The following KXD1 variants were observed in gnomAD, a reference collection of about 807,000 sequenced individuals.
KXD1 encodes kxDL motif-containing protein 1.
KXD1 carries 5 observed loss-of-function variants against 12.1 expected under a neutral mutation model. That is an observed-to-expected ratio of 0.41 (90% confidence interval 0.22 to 0.87). The LOEUF is 0.87. Among genes scored for constraint, KXD1 ranks in the 40% least tolerant of loss-of-function variants. The probability of loss-of-function intolerance (pLI) is 0.31; values close to 1 mark genes in which losing one functional copy is unlikely to be tolerated. For synonymous variants in KXD1, 98 were observed against 100.5 expected, an observed-to-expected ratio of 0.98 and a Z score of 0.15; for missense variants, 193 against 244.9, an observed-to-expected ratio of 0.79 and a Z score of 1.41.
chr19:18,565,464 C>T (rs1393914301), intron 3 of KXD1, among the ~76,000 whole-genome samples: 12 of 152,092 alleles, frequency 7.9e-5, no homozygotes, highest in African/African-American at 7.2e-5. Flanking sequence ...GATCTCCTGA[C>T]CTCGTGATCC....
intron 4 of KXD1, 29 bp from the exon 5 acceptor site, chr19:18,568,373 A>C (rs764074939): frequency 2.5e-6 from 4 of 1,578,060 alleles, no homozygotes; most frequent in Non-Finnish European, 3.5e-6. Context: ...CAAGGTGACA[A>C]AACCAACTCT....
intron 4 of KXD1, 135 bp downstream of exon 4, chr19:18,567,313 G>T (rs755059842): frequency 1.1e-4 from 96 of 886,028 alleles, no homozygotes; most frequent in Middle Eastern, 4.4e-4. Flanking sequence ...AACCTGGGGT[G>T]GGGGCAGGGT....
chr19:18,561,977 C>T, intron 1 of KXD1, 59 bp from the exon 2 acceptor site: 1 of 1,165,830 alleles, frequency 8.6e-7, no homozygotes, highest in Non-Finnish European at 1.2e-6. Context: ...CCGGCCTGGC[C>T]TCTTGGTCCC....
rs370192271 is a variant in KXD1 at position 18,562,019 on chromosome 19, G to A, written c.-21-17G>A. ...CCTGGTGACTAGTGCAGACCACTCT[G>A]TTCTTGCCTGTTTCAGGCAGCGGAG... On this transcript the variant is annotated splice_polypyrimidine_tract_variant and intron_variant, in intron 1 of 4. Transcript: ENST00000222307. The A allele has an allele frequency of 5.9e-5, 93 of 1,563,558 alleles. No homozygotes were observed. In the African/African-American group the frequency reaches 1.2e-3, roughly 21 times the overall value.
intron 3 of KXD1, among the ~76,000 whole-genome samples, chr19:18,565,885 A>C (rs1333765809): frequency 6.6e-6 from 1 of 152,026 alleles, no homozygotes; most frequent in Non-Finnish European, 1.5e-5. Flanking sequence ...ACGAGATTTC[A>C]CCGTGTTGCC....
intron 1 of KXD1, chr19:18,560,572 C>T (rs1352878798): frequency 6.6e-6 from 1 of 152,190 alleles, no homozygotes; most frequent in Non-Finnish European, 1.5e-5. Flanking sequence ...CAATTCTTGG[C>T]TTTAATTTGC....
At chr19:18,562,245 C>T in intron 2 of KXD1, 88 bp downstream of exon 2, 1 of 942,482 alleles carries the variant, frequency 1.1e-6, no homozygotes, top group South Asian at 1.6e-5. Context: ...CCGGGGCCCA[C>T]ACTGGTGATA....
intron 3 of KXD1, 58 bp downstream of exon 3, chr19:18,565,079 G>A (rs1975140200): frequency 6.3e-7 from 1 of 1,584,094 alleles, no homozygotes; most frequent in Non-Finnish European, 8.6e-7. Flanking sequence ...CCCCATCTGA[G>A]CCTCAGTTTC....
At chr19:18,563,279 C>T (rs978510290) in intron 2 of KXD1, among the ~76,000 whole-genome samples, 3 of 151,484 alleles carry the variant, frequency 2.0e-5, no homozygotes, top group South Asian at 2.1e-4. Flanking sequence ...GACCTGATTT[C>T]CTTACCTTTT....
At chr19:18,560,375 G>A (rs771734973) in intron 1 of KXD1, 2 of 152,096 alleles carry the variant, frequency 1.3e-5, no homozygotes, top group Non-Finnish European at 2.9e-5. Flanking sequence ...GTGGGCCTCA[G>A]AGCCAAACTA....
chr19:18,561,833 CTCTT>C (rs561931143), intron 1 of KXD1, 199 bp from the exon 2 acceptor site: 123 of 461,170 alleles, frequency 2.7e-4, no homozygotes, highest in African/African-American at 2.2e-3. Flanking sequence ...AATACAACCT[CTCTT>C]AGTTTGCCCA....
chr19:18,562,184 G>C (rs188604419), intron 2 of KXD1, 27 bp downstream of exon 2: 3 of 1,538,390 alleles, frequency 2.0e-6, no homozygotes, highest in East Asian at 2.4e-5. Flanking sequence ...GGACCTGAGC[G>C]TGGGAAGGAA....
chr19:18,558,487 C>T (rs1017945502), intron 1 of KXD1: 4 of 151,982 alleles, frequency 2.6e-5, no homozygotes, highest in African/African-American at 7.3e-5. Flanking sequence ...TCTTAGAGGC[C>T]CCTGGGATGC....
intron 2 of KXD1, among the ~76,000 whole-genome samples, chr19:18,564,630 G>A (rs1244987757): frequency 1.3e-5 from 2 of 152,102 alleles, no homozygotes; most frequent in Non-Finnish European, 2.9e-5. Flanking sequence ...CTCAAAAAAA[G>A]TCTGACTGAA....
In KXD1 at chr19:18,568,975, G is replaced by C. The variant is rs1975394190; in HGVS notation, c.*344G>C. On this transcript the variant is annotated 3_prime_UTR_variant, in exon 5 of 5. Coordinates refer to ENST00000222307, the MANE Select transcript of KXD1 (RefSeq NM_024069.4). ...GCTTAGAAGGTTCCCAGACACCAGA[G>C]CCAGATGTCCCCCACCACCGGTCAG... 2 of 307,350 alleles carry C rather than the reference G, an allele frequency of 6.5e-6. No homozygotes were observed. Among genetic ancestry groups the C allele is most frequent in the Non-Finnish European group, 1.2e-5 (2 of 162,812 alleles). 19.0% of individuals were successfully genotyped at this position (307,350 alleles called of 1,614,324 possible).
In KXD1 at chr19:18,564,876, C is replaced by T. The variant is rs745867704; in HGVS notation, c.109C>T (p.Arg37Cys). The T allele has an allele frequency of 4.3e-6, 7 of 1,613,526 alleles. No homozygotes were observed. Among genetic ancestry groups the T allele is most frequent in the South Asian group, 1.1e-5 (1 of 91,094 alleles). Reference protein sequence around the residue: ...IILAQKNMLDRFEKTNEMLLN... With the variant: ...IILAQKNMLDCFEKTNEMLLN... ...CCCTCTCTCCACCATCAGGCTGGAC[C>T]GCTTTGAGAAGACCAATGAGATGCT... The change falls in exon 3 of 5, where the codon CGC (arginine) becomes TGC (cysteine). Residue 37 changes from arginine (R) to cysteine (C), a missense_variant. Physicochemically the swap from Arg to Cys is radical, Grantham distance 180. Coordinates refer to ENST00000222307, the MANE Select transcript of KXD1 (RefSeq NM_024069.4).
At chr19:18,562,232 T>C in intron 2 of KXD1, 75 bp downstream of exon 2, 1 of 1,095,180 alleles carries the variant, frequency 9.1e-7, no homozygotes, top group Non-Finnish European at 1.3e-6. Context: ...TGCCCGCCCC[T>C]ACCCGGGGCC....
intron 1 of KXD1, chr19:18,559,536 CA>C (rs1974842099): frequency 6.6e-6 from 1 of 151,686 alleles, no homozygotes; most frequent in South Asian, 2.1e-4. Flanking sequence ...GGCAATTTCC[CA>C]GAAAAAAAAA....
At chr19:18,567,084 C>T in intron 3 of KXD1, 48 bp from the exon 4 acceptor site, 1 of 1,586,266 alleles carries the variant, frequency 6.3e-7, no homozygotes, top group South Asian at 1.1e-5. Flanking sequence ...CCAGGCCCAG[C>T]CTACCTGCTC....
Sources: gnomAD v4.1 joint callset for allele counts (sites outside exome capture counted in the v4.1 genomes callset) on GRCh38, gnomAD v4.1.1 for gene constraint, MANE v1.5 for transcripts, NCBI Gene and HGNC (gene_info 2026-07-23, HGNC 2026-07-21) for gene names.